ZFR: variants seen among roughly 807,000 people sequenced by gnomAD.
The protein encoded by ZFR is zinc finger RNA binding protein.
A neutral mutation model predicts 130.7 loss-of-function variants in ZFR; 19 were observed. That is an observed-to-expected ratio of 0.15 (90% CI 0.10 to 0.21). The LOEUF is 0.21. ZFR is among the 10% of genes least tolerant of loss of function. The pLI, the probability that ZFR is intolerant of heterozygous loss-of-function variation, is 1.00. For synonymous variants in ZFR, 466 were observed against 456.9 expected (o/e 1.02, Z -0.25); for missense variants, 872 against 1,321.5 (o/e 0.66, Z 5.27).
intron 17 of ZFR, among the ~76,000 whole-genome samples, chr5:32,372,110 G>A (rs943704503): frequency 1.3e-5 from 2 of 152,188 alleles, no homozygotes; most frequent in Non-Finnish European, 2.9e-5. Context: ...ACACAGGAGA[G>A]TGTAGCCTAC....
In ZFR at chr5:32,390,479, T is replaced by C. The variant is rs374287807; in HGVS notation, c.1980-42A>G. 3.7e-5 allele frequency: 58 copies of C among 1,570,010 alleles called. No homozygotes were observed. The African/African-American group carries it at 6.9e-4, about 19-fold the overall frequency. On this transcript the variant is annotated intron_variant, in intron 11 of 19. Coordinates refer to ENST00000265069, the MANE Select transcript of ZFR (RefSeq NM_016107.5). ...GACATTATAAGCATATGAGGAAAAA[T>C]ACAGCCCAAGAACTTGCATCAATAG...
chr5:32,427,054 T>C (rs1754090353), intron 2 of ZFR, among the ~76,000 whole-genome samples: 1 of 151,938 alleles, frequency 6.6e-6, no homozygotes, highest in Admixed American at 6.6e-5. Context: ...CAAAAATCAG[T>C]TGCATTCCTA....
chr5:32,392,729 TCATA>T (rs1291152466), intron 11 of ZFR, among the ~76,000 whole-genome samples: 1 of 152,186 alleles, frequency 6.6e-6, no homozygotes, highest in Non-Finnish European at 1.5e-5. Flanking sequence ...TCGTGGTGGC[TCATA>T]CATGTAATTC....
At chr5:32,384,227 C>T (rs1752988963) in intron 15 of ZFR, among the ~76,000 whole-genome samples, 1 of 149,624 alleles carries the variant, frequency 6.7e-6, no homozygotes, top group South Asian at 2.1e-4. Flanking sequence ...ATCCCATATG[C>T]TGTATATGAC....
In ZFR at chr5:32,390,434, A is replaced by G; in HGVS notation, c.1983T>C (p.Arg661=). Residue 661 remains arginine (R), a synonymous_variant, in exon 12 of 20, where the codon CGT becomes CGC. Coordinates refer to ENST00000265069, the MANE Select transcript of ZFR (RefSeq NM_016107.5). ...EEERWRMEMR[R]YEEDMYWRRM... is the part of the protein sequence containing the mutation. The stretch of plus-strand genomic sequence containing the variant: ...TCCTCCAGTACATGTCCTCTTCATA[A>G]CGTCTGAAACATAAAGAATGACATT... 1 of 1,612,154 alleles carries G rather than the reference A, an allele frequency of 6.2e-7. No homozygotes were observed. The highest frequency in any genetic ancestry group is 8.5e-7 in the Non-Finnish European group (1 of 1,178,470).
intron 13 of ZFR, among the ~76,000 whole-genome samples, chr5:32,387,946 T>C (rs1051408230): frequency 5.3e-5 from 8 of 152,190 alleles, no homozygotes; most frequent in Non-Finnish European, 1.0e-4. Flanking sequence ...AACACTTCTG[T>C]TTCTTATTTC....
At chr5:32,390,541 G>T in intron 11 of ZFR, 104 bp from the exon 12 acceptor site, 2 of 1,138,220 alleles carry the variant, frequency 1.8e-6, no homozygotes, top group Non-Finnish European at 2.4e-6. Context: ...ACCAACATCA[G>T]CCTAGCTAAA....
At chr5:32,419,790 T>G in intron 3 of ZFR, 31 bp downstream of exon 3, 1 of 1,556,280 alleles carries the variant, frequency 6.4e-7, no homozygotes, top group Non-Finnish European at 8.7e-7. Context: ...AACCCGCACA[T>G]TCAGGCTACC....
rs1367428558 is a variant in ZFR at position 32,444,697 on chromosome 5, C to A, written c.-39G>T. 3.3e-6 allele frequency: 5 copies of A among 1,502,496 alleles called. No individual in the cohort carries two copies. Among genetic ancestry groups the A allele is most frequent in the Non-Finnish European group, 4.4e-6 (5 of 1,125,594 alleles). 93.1% of individuals were successfully genotyped at this position (1,502,496 alleles called of 1,614,324 possible). On this transcript the variant is annotated 5_prime_UTR_variant, in exon 1 of 20. Coordinates refer to ENST00000265069, the MANE Select transcript of ZFR (RefSeq NM_016107.5). ...TGCTGCTGAACTCTGAACTCTCACCCGCTGCCTCCCTCCTCTGCCCCGCTC... is the reference window on the plus strand; with the variant it reads ...TGCTGCTGAACTCTGAACTCTCACCAGCTGCCTCCCTCCTCTGCCCCGCTC...
intron 19 of ZFR, among the ~76,000 whole-genome samples, chr5:32,359,435 A>T (rs1156534141): frequency 3.3e-5 from 5 of 152,182 alleles, no homozygotes; most frequent in African/African-American, 9.6e-5. Context: ...CCTAAAGCTT[A>T]AAGATATGCT....
intron 2 of ZFR, among the ~76,000 whole-genome samples, chr5:32,427,422 G>T (rs1325631522): frequency 2.8e-5 from 4 of 142,532 alleles, no homozygotes; most frequent in African/African-American, 1.0e-4. Context: ...ACAACCTTAC[G>T]AATAAACCTA....
At chr5:32,427,374 CAAAAAAAAAA>C (rs540663022) in intron 2 of ZFR, among the ~76,000 whole-genome samples, 3 of 66,504 alleles carry the variant, frequency 4.5e-5, no homozygotes, top group African/African-American at 2.0e-4. Context: ...GACTCTGTCT[CAAAAAAAAAA>C]AAAAAAAAAA....
At chr5:32,380,269 A>G in intron 15 of ZFR, 97 bp from the exon 16 acceptor site, 2 of 770,018 alleles carry the variant, frequency 2.6e-6, no homozygotes, top group Non-Finnish European at 4.4e-6. Flanking sequence ...CACATGAGCC[A>G]TTTGAGAGCT....
At chr5:32,427,374 C>CAAAAA (rs540663022) in intron 2 of ZFR, among the ~76,000 whole-genome samples, 1 of 66,490 alleles carries the variant, frequency 1.5e-5, no homozygotes. Flanking sequence ...GACTCTGTCT[C>CAAAAA]AAAAAAAAAA....
chr5:32,420,154 G>A, intron 2 of ZFR, 51 bp from the exon 3 acceptor site: 1 of 1,382,160 alleles, frequency 7.2e-7, no homozygotes, highest in Non-Finnish European at 9.5e-7. Context: ...ATATCCAGGA[G>A]TTAACCAACT....
At position 32,419,863 on chromosome 5, in the gene ZFR, T is replaced by C. The variant is rs767350521; in HGVS notation, c.378A>G (p.Glu126=). 6.2e-7 allele frequency: 1 copy of C among 1,608,106 alleles called. No individual in the cohort carries two copies. Among genetic ancestry groups the C allele is most frequent in the South Asian group, 1.1e-5 (1 of 90,958 alleles). The part of the protein sequence containing the change: ...TDYGYTQRQQ[E]APPPPPPATT... ...TAGCTGGGGGTGGTGGTGGTGGTGCTTCTTGTTGCCTCTGAGTATAACCAT... is the reference window on the plus strand; with the variant it reads ...TAGCTGGGGGTGGTGGTGGTGGTGCCTCTTGTTGCCTCTGAGTATAACCAT... Residue 126 remains glutamate, a synonymous_variant, in exon 3 of 20, where the codon GAA becomes GAG. Coordinates refer to ENST00000265069, the MANE Select transcript of ZFR (RefSeq NM_016107.5).
intron 5 of ZFR, among the ~76,000 whole-genome samples, chr5:32,412,107 G>T (rs942639240): frequency 2.0e-5 from 3 of 152,172 alleles, no homozygotes; most frequent in African/African-American, 7.2e-5. Flanking sequence ...CCACCACAGG[G>T]TGAAAGACAG....
At chr5:32,424,866 G>A (rs1415449024) in intron 2 of ZFR, among the ~76,000 whole-genome samples, 1 of 152,134 alleles carries the variant, frequency 6.6e-6, no homozygotes. Context: ...TAATGTAAAC[G>A]TTATCATAAA....
intron 13 of ZFR, among the ~76,000 whole-genome samples, chr5:32,388,229 A>G (rs956876542): frequency 1.3e-5 from 2 of 152,220 alleles, no homozygotes; most frequent in Non-Finnish European, 2.9e-5. Flanking sequence ...ATAGACTCAA[A>G]ATAGTTTATA....
Sources: allele counts gnomAD v4.1 joint callset (sites outside exome capture counted in the v4.1 genomes callset), GRCh38; gene constraint gnomAD v4.1.1; transcripts MANE v1.5; gene names NCBI Gene and HGNC (gene_info 2026-07-23, HGNC 2026-07-21).